Variants in ZFP90 observed in about 807,000 individuals in gnomAD.
ZFP90 encodes zinc finger protein 90 homolog.
In ZFP90, 38 loss-of-function variants were observed where a neutral mutation model predicts 60.8. The ratio of observed to expected loss-of-function variants is 0.62; its 90% CI spans 0.48 to 0.82. The LOEUF (loss-of-function observed/expected upper bound fraction) is 0.82. ZFP90 is among the 40% of genes least tolerant of loss of function. The pLI, the probability that ZFP90 is intolerant of heterozygous loss-of-function variation, is 0.00. For synonymous variants in ZFP90, 287 were observed against 264.8 expected (o/e 1.08, Z -0.82); for missense variants, 711 against 759.1 (o/e 0.94, Z 0.74).
upstream of ZFP90, among the ~76,000 whole-genome samples, chr16:68,536,870 T>TAAG (rs1299350884): frequency 1.3e-5 from 2 of 152,194 alleles, no homozygotes; most frequent in Admixed American, 6.5e-5. Flanking sequence ...CTGCTGTTAC[T>TAAG]AAGCCAATGG....
downstream of ZFP90, among the ~76,000 whole-genome samples, chr16:68,571,453 T>G (rs1228792939): frequency 1.3e-5 from 2 of 152,244 alleles, no homozygotes; most frequent in African/African-American, 4.8e-5. Flanking sequence ...ATGTTTAAAC[T>G]CATTTACAGT....
chr16:68,543,381 C>A (rs1421995318), intron 2 of ZFP90, among the ~76,000 whole-genome samples: 3 of 152,020 alleles, frequency 2.0e-5, no homozygotes, highest in Non-Finnish European at 1.5e-5. Context: ...TGAGTGGGAC[C>A]TTTCCCCTGA....
chr16:68,567,092 C>T lies in ZFP90; in HGVS notation c.*2394C>T. ...GGCTACGTGAAATGCATCCTTGTAA[C>T]ATCATTGTATTCTTTCAATAAATAG... is the stretch of plus-strand genomic sequence containing the variant. On this transcript the variant is annotated 3_prime_UTR_variant, in exon 5 of 5. Transcript: ENST00000563169. 1.0e-6 allele frequency: 1 copy of T among 985,576 alleles called. No individual in the cohort carries two copies. Among genetic ancestry groups the T allele is most frequent in the African/African-American group, 1.7e-5 (1 of 57,348 alleles). 61.1% of individuals were successfully genotyped at this position (985,576 alleles called of 1,614,324 possible). A position where few individuals can be genotyped will look rare whatever the true frequency, so the allele number is the denominator to read the frequency against.
In ZFP90 at chr16:68,567,009, A is replaced by T. The variant is rs2091538856; in HGVS notation, c.*2311A>T. On this transcript the variant is annotated 3_prime_UTR_variant, in exon 5 of 5. Transcript: ENST00000563169. ...ACATATGTGTGGCTCATTGACCAGA[A>T]GGCTTTCTTAGTCCCAACAGCCATG... The T allele has an allele frequency of 1.0e-6, 1 of 985,486 alleles. No homozygotes were observed. Among genetic ancestry groups the T allele is most frequent in the East Asian group, 1.1e-4 (1 of 8,972 alleles). The allele number at this position is 985,486 out of a possible 1,614,324, so 61.0% of individuals were successfully genotyped here. A position where few individuals can be genotyped will look rare whatever the true frequency, so the allele number is the denominator to read the frequency against.
chr16:68,576,492 A>G (rs1475971116), downstream of ZFP90, among the ~76,000 whole-genome samples: 2 of 152,206 alleles, frequency 1.3e-5, no homozygotes, highest in Non-Finnish European at 2.9e-5. Flanking sequence ...CACGCCTGTA[A>G]TCCCAGCACT....
At chr16:68,554,809 AAACCAGG>A (rs1237547514) in intron 2 of ZFP90, among the ~76,000 whole-genome samples, 1 of 152,270 alleles carries the variant, frequency 6.6e-6, no homozygotes, top group South Asian at 2.1e-4. Flanking sequence ...AAAACAAAAT[AAACCAGG>A]AGGCCATATG....
chr16:68,557,978 A>G lies in ZFP90; in HGVS notation c.34-20A>G. 1 of 1,613,300 alleles carries G rather than the reference A, an allele frequency of 6.2e-7. No homozygotes were observed. The highest frequency in any genetic ancestry group is 1.1e-5 in the South Asian group (1 of 90,990). On this transcript the variant is annotated intron_variant, in intron 2 of 4. Coordinates refer to ENST00000563169, the MANE Select transcript of ZFP90 (RefSeq NM_001305203.2). ...ATTTGTGGGGTTGATCCCCAGTTGA[A>G]CAGGAATGTGATTTTACAGGAATCA...
At chr16:68,547,380 A>G (rs554920125) in intron 2 of ZFP90, among the ~76,000 whole-genome samples, 2 of 152,244 alleles carry the variant, frequency 1.3e-5, no homozygotes, top group South Asian at 2.1e-4. Context: ...ATCTTTGTGT[A>G]TCTTCTTTGG....
intron 2 of ZFP90, 22 bp downstream of exon 2, chr16:68,539,847 TC>T (rs760788815): frequency 6.2e-7 from 1 of 1,604,568 alleles, no homozygotes; most frequent in South Asian, 1.1e-5. Context: ...GTTCCTAACC[TC>T]CTGGGCATCC....
At position 68,567,019 on chromosome 16, in the gene ZFP90, A is replaced by G. The variant is rs2091539062; in HGVS notation, c.*2321A>G. ...GGCTCATTGACCAGAAGGCTTTCTTAGTCCCAACAGCCATGAACCATGCAC... is the reference window on the plus strand; with the variant it reads ...GGCTCATTGACCAGAAGGCTTTCTTGGTCCCAACAGCCATGAACCATGCAC... On this transcript the variant is annotated 3_prime_UTR_variant, in exon 5 of 5. Transcript: ENST00000563169. 1 of 985,616 alleles carries G rather than the reference A, an allele frequency of 1.0e-6. No individual in the cohort carries two copies. The highest frequency in any genetic ancestry group is 1.2e-6 in the Non-Finnish European group (1 of 829,958). The allele number at this position is 985,616 out of a possible 1,614,324, so 61.1% of individuals were successfully genotyped here. A position where few individuals can be genotyped will look rare whatever the true frequency, so the allele number is the denominator to read the frequency against.
intron 2 of ZFP90, among the ~76,000 whole-genome samples, chr16:68,553,941 C>G (rs1048392883): frequency 3.3e-5 from 5 of 152,028 alleles, no homozygotes; most frequent in African/African-American, 4.8e-5. Context: ...CAGATTTTAA[C>G]AAGATCTCTC....
chr16:68,563,410 A>G lies in ZFP90; in HGVS notation c.623A>G (p.Lys208Arg). 1 of 1,612,330 alleles carries G rather than the reference A, an allele frequency of 6.2e-7. No homozygotes were observed. The highest frequency in any genetic ancestry group is 8.5e-7 in the Non-Finnish European group (1 of 1,179,642). ...AATGAGAATAATATTCTTGCAAAAAAGAAACCCTATAAGTGTGATAAATGT... is the reference window on the plus strand; with the variant it reads ...AATGAGAATAATATTCTTGCAAAAAGGAAACCCTATAAGTGTGATAAATGT... Reference protein sequence around the residue: ...LLNENNILAKKKPYKCDKCRK... With the variant: ...LLNENNILAKRKPYKCDKCRK... Residue 208 changes from lysine (K) to arginine (R), a missense_variant, in exon 5 of 5, where the codon AAG becomes AGG. By Grantham distance (26) the Lys-to-Arg change is conservative (BLOSUM62 2). This residue lies in a region of ZFP90 where 241 missense variants were observed against 247.6 expected (regional missense o/e 0.97). Coordinates refer to ENST00000563169, the MANE Select transcript of ZFP90 (RefSeq NM_001305203.2).
intron 2 of ZFP90, among the ~76,000 whole-genome samples, chr16:68,572,995 T>A (rs1299575174): frequency 6.6e-6 from 1 of 152,208 alleles, no homozygotes; most frequent in Non-Finnish European, 1.5e-5. Flanking sequence ...TTCCTTGACA[T>A]CAGAGATCAC....
Position 68,565,330 on chromosome 16 carries a change from A to T in ZFP90, c.*632A>T. ...TTGCCAGTGAAAAGGTTATTTTTGG[A>T]CTCAGAGGGCTTTAAAATAAATTTT... On this transcript the variant is annotated 3_prime_UTR_variant, in exon 5 of 5. Transcript: ENST00000563169. 1.0e-6 allele frequency: 1 copy of T among 985,552 alleles called. No homozygotes were observed. The highest frequency in any genetic ancestry group is 1.2e-6 in the Non-Finnish European group (1 of 829,938). 61.1% of individuals were successfully genotyped at this position (985,552 alleles called of 1,614,324 possible). A position where few individuals can be genotyped will look rare whatever the true frequency, so the allele number is the denominator to read the frequency against.
At chr16:68,547,525 T>G (rs762206619) in intron 2 of ZFP90, among the ~76,000 whole-genome samples, 1 of 152,172 alleles carries the variant, frequency 6.6e-6, no homozygotes, top group Non-Finnish European at 1.5e-5. Flanking sequence ...TTATGATCCC[T>G]CTTCCTTAGG....
At chr16:68,572,318 T>C (rs563915826) in intron 2 of ZFP90, among the ~76,000 whole-genome samples, 6 of 152,336 alleles carry the variant, frequency 3.9e-5, no homozygotes, top group Middle Eastern at 3.4e-3. Context: ...ATTGTAGTAA[T>C]TAATGGGGCT....
At chr16:68,550,701 TAATG>T (rs997672472) in intron 2 of ZFP90, among the ~76,000 whole-genome samples, 4 of 152,244 alleles carry the variant, frequency 2.6e-5, no homozygotes, top group Middle Eastern at 6.3e-3. Flanking sequence ...TTTAAAAACA[TAATG>T]AATAGCCACA....
chr16:68,541,458 A>T (rs1001252177), intron 2 of ZFP90, among the ~76,000 whole-genome samples: 2 of 151,594 alleles, frequency 1.3e-5, no homozygotes, highest in Admixed American at 1.3e-4. Context: ...GAGCCACCAC[A>T]GCTGGGCATG....
upstream of ZFP90, among the ~76,000 whole-genome samples, chr16:68,536,986 C>A (rs114192155): frequency 1.9e-3 from 286 of 152,304 alleles, 1 homozygote; most frequent in African/African-American, 6.6e-3. Flanking sequence ...CTCTCTTATC[C>A]CTCACTCTGC....
Sources: gnomAD v4.1 joint callset for allele counts (sites outside exome capture counted in the v4.1 genomes callset) on GRCh38, gnomAD v4.1.1 for gene constraint, gnomAD v4.1.1 regional missense constraint, MANE v1.5 for transcripts, NCBI Gene and HGNC (gene_info 2026-07-23, HGNC 2026-07-21) for gene names.